MSL3: variants seen among roughly 807,000 people sequenced by gnomAD.
MSL3 encodes MSL complex subunit 3.
A neutral mutation model predicts 37.2 loss-of-function variants in MSL3; 5 were observed. The observed-to-expected ratio is 0.13, with a 90% CI of 0.07 to 0.28. The LOEUF (loss-of-function observed/expected upper bound fraction) is 0.28, where lower values mean the gene tolerates loss of function less well. MSL3 is among the 10% of genes least tolerant of loss of function. MSL3 has a pLI of 1.00. For synonymous variants in MSL3, 149 were observed against 147.6 expected (o/e 1.01, Z -0.07); for missense variants, 315 against 408.5 (o/e 0.77, Z 1.97).
intron 1 of MSL3, 141 bp downstream of exon 1, chrX:11,758,506 C>T (rs1835755263): frequency 3.0e-6 from 3 of 1,011,131 alleles, no homozygotes; most frequent in Non-Finnish European, 3.8e-6. Context: ...CGGCAGGGGG[C>T]GCTCACAGGG....
Position 11,775,050 on chromosome X carries a change from A to G in MSL3, c.1537A>G (p.Ser513Gly). ...TGTCGCTGCCTGTGAGGCACATTACAGCACCAAGAACCCCCGGGCAATTTA... is the reference window on the plus strand; with the variant it reads ...TGTCGCTGCCTGTGAGGCACATTACGGCACCAAGAACCCCCGGGCAATTTA... ...AYVAACEAHY[S>G]TKNPRAIY Residue 513 changes from serine to glycine, a missense_variant, in exon 13 of 13, where the codon AGC (serine) becomes GGC (glycine). By Grantham distance (56) the Ser-to-Gly change is moderately conservative. Coordinates refer to ENST00000312196, the MANE Select transcript of MSL3 (RefSeq NM_078629.4). 1 of 1,207,694 alleles carries G rather than the reference A, an allele frequency of 8.3e-7. No individual in the cohort carries two copies. Among genetic ancestry groups the G allele is most frequent in the South Asian group, 1.8e-5 (1 of 56,836 alleles).
At chrX:11,766,633 C>A in intron 9 of MSL3, 2 of 754,595 alleles carry the variant, frequency 2.7e-6, no homozygotes, top group Non-Finnish European at 3.1e-6. Context: ...GCAGCAGGGC[C>A]GACGATGTCA....
At chrX:11,761,068 A>T in intron 4 of MSL3, 131 bp downstream of exon 4, 1 of 487,577 alleles carries the variant, frequency 2.1e-6, no homozygotes, top group Non-Finnish European at 3.4e-6. Flanking sequence ...TTTATTTTTG[A>T]CAATTAAAGT....
intron 3 of MSL3, 22 bp from the exon 4 acceptor site, chrX:11,760,815 G>T (rs1319569344): frequency 1.7e-6 from 2 of 1,150,548 alleles, no homozygotes; most frequent in East Asian, 3.1e-5. Context: ...ACTTATTTCA[G>T]TTGTTTGCTA....
intron 12 of MSL3, 94 bp from the exon 13 acceptor site, chrX:11,774,886 A>G (rs1301062753): frequency 1.6e-6 from 1 of 612,966 alleles, no homozygotes; most frequent in Non-Finnish European, 2.6e-6. Context: ...ATACCAAAAA[A>G]CAGTTGAAAT....
chrX:11,759,622 A>C (rs1411428223), intron 1 of MSL3, 171 bp from the exon 2 acceptor site: 3 of 1,082,881 alleles, frequency 2.8e-6, no homozygotes, highest in Non-Finnish European at 3.6e-6. Context: ...CCTATTTTGA[A>C]GGCGTCCACT....
chrX:11,763,458 A>G (rs1024076272), intron 7 of MSL3, among the ~76,000 whole-genome samples: 4 of 112,842 alleles, frequency 3.5e-5, no homozygotes, highest in Non-Finnish European at 5.6e-5. Flanking sequence ...CACTAGGGTC[A>G]ACCCGTTTCA....
chrX:11,770,909 G>A (rs765562934), intron 10 of MSL3, among the ~76,000 whole-genome samples: 4 of 112,155 alleles, frequency 3.6e-5, no homozygotes, highest in Non-Finnish European at 7.5e-5. Context: ...TGGTTCCAAA[G>A]CTTCAGCTGT....
rs78624542 is a variant in MSL3 at position 11,761,513 on chromosome X, C to T, written c.396C>T (p.Ser132=). The change falls in exon 5 of 13, where the codon TCC becomes TCT. Residue 132 remains serine, a synonymous_variant. Transcript: ENST00000312196. The stretch of plus-strand genomic sequence containing the variant: ...TGTTTCACCTAGCATTAAGCAGTTC[C>T]TCTGACTGTAGTGAAAACAAGGATG... ...DENDENSLSS[S]SDCSENKDEE... is the part of the protein sequence containing the mutation. 5.3e-3 allele frequency: 6,359 copies of T among 1,196,392 alleles called. 205 individuals carry two copies. In the African/African-American group the frequency reaches 0.097, roughly 18 times the overall value.
chrX:11,768,316 T>G (rs1221351421), intron 9 of MSL3: 3 of 243,418 alleles, frequency 1.2e-5, no homozygotes, highest in East Asian at 1.6e-4. Context: ...AAACATAGTA[T>G]GTGGCCCTTT....
chrX:11,758,474 G>A (rs2053093623), intron 1 of MSL3, 109 bp downstream of exon 1: 1 of 957,383 alleles, frequency 1.0e-6, no homozygotes, highest in South Asian at 3.4e-5. Flanking sequence ...CGGGCTCCTC[G>A]GCCTGCGAGG....
chrX:11,761,934 G>A (rs760758007), intron 5 of MSL3, among the ~76,000 whole-genome samples, 196 bp from the exon 6 acceptor site: 6 of 112,028 alleles, frequency 5.4e-5, no homozygotes, highest in Non-Finnish European at 1.1e-4. Flanking sequence ...AAATGGGAAA[G>A]AAATGAAATA....
In MSL3 at chrX:11,772,828, C is replaced by T. The variant is rs2053242735; in HGVS notation, c.1466+123C>T. 3 of 406,210 alleles carry T rather than the reference C, an allele frequency of 7.4e-6. No homozygotes were observed. The South Asian group carries it at 1.5e-4, about 21-fold the overall frequency. The allele number at this position is 406,210 out of a possible 1,213,427, so 33.5% of individuals were successfully genotyped here. ...TTAAATAGTAGAAGTATTACCTAAG[C>T]ATGGTTGGTTCTAACCGTAATGGGA... On this transcript the variant is annotated intron_variant, in intron 12 of 12. Transcript: ENST00000312196.
chrX:11,773,873 A>T (rs2053251928), intron 12 of MSL3, among the ~76,000 whole-genome samples: 1 of 111,566 alleles, frequency 9.0e-6, no homozygotes, highest in African/African-American at 3.2e-5. Flanking sequence ...AAAAGAGTAC[A>T]CTCATAGAAG....
chrX:11,762,359 A>G, intron 6 of MSL3, 107 bp downstream of exon 6: 4 of 713,378 alleles, frequency 5.6e-6, no homozygotes, highest in Non-Finnish European at 8.2e-6. Context: ...AACGAAATTT[A>G]TATTTTTCAG....
At chrX:11,774,270 A>G (rs1299018461) in intron 12 of MSL3, among the ~76,000 whole-genome samples, 1 of 112,276 alleles carries the variant, frequency 8.9e-6, no homozygotes. Flanking sequence ...AATGATGTAC[A>G]TTTCTGAAGT....
intron 4 of MSL3, chrX:11,761,151 G>C: frequency 2.5e-6 from 1 of 393,303 alleles, no homozygotes; most frequent in Non-Finnish European, 4.4e-6. Flanking sequence ...TGCCCTCTCG[G>C]CCAGCATCTT....
At position 11,775,260 on chromosome X, in the gene MSL3, C is replaced by A. The variant is rs759090119; in HGVS notation, c.*181C>A. The A allele has an allele frequency of 3.0e-5, 12 of 398,663 alleles. No homozygotes were observed. The highest frequency in any genetic ancestry group is 5.2e-5 in the Non-Finnish European group (12 of 228,929). The allele number at this position is 398,663 out of a possible 1,213,427, so 32.9% of individuals were successfully genotyped here. A position where few individuals can be genotyped will look rare whatever the true frequency, so the allele number is the denominator to read the frequency against. ...TCTGTTAGGAATGATTCCCTGGGTG[C>A]CTGAAAGTGCTCTGACACGACACTT... is the stretch of plus-strand genomic sequence containing the variant. On this transcript the variant is annotated 3_prime_UTR_variant, in exon 13 of 13. Coordinates refer to ENST00000312196, the MANE Select transcript of MSL3 (RefSeq NM_078629.4).
chrX:11,764,965 G>T (rs1415180725), intron 8 of MSL3, among the ~76,000 whole-genome samples: 1 of 112,796 alleles, frequency 8.9e-6, no homozygotes, highest in African/African-American at 3.2e-5. Context: ...GGGGTGGGTT[G>T]TGTGTTTTCA....
Sources: gnomAD v4.1 joint callset for allele counts (sites outside exome capture counted in the v4.1 genomes callset) on GRCh38, gnomAD v4.1.1 for gene constraint, MANE v1.5 for transcripts, NCBI Gene and HGNC (gene_info 2026-07-23, HGNC 2026-07-21) for gene names.